The following TMEM181 variants were observed in gnomAD, a reference collection of about 807,000 sequenced individuals.
The protein encoded by TMEM181 is G protein-coupled receptor 178.
TMEM181 carries 39 observed loss-of-function variants against 71.9 expected under a neutral mutation model. The observed-to-expected ratio is 0.54, with a 90% confidence interval of 0.42 to 0.71. The LOEUF is 0.71. Among genes scored for constraint, TMEM181 ranks in the 30% least tolerant of loss-of-function variants. The probability of loss-of-function intolerance (pLI) is 0.00; values close to 1 mark genes in which losing one functional copy is unlikely to be tolerated. For missense variants in TMEM181, 595 were observed against 583.0 expected, an observed-to-expected ratio of 1.02 and a Z score of -0.21; for synonymous variants, 245 against 228.8, an observed-to-expected ratio of 1.07 and a Z score of -0.64.
In TMEM181 at chr6:158,634,192, C is replaced by G. The variant is rs1409018181; in HGVS notation, c.*2304C>G. On this transcript the variant is annotated 3_prime_UTR_variant, in exon 17 of 17. Transcript: ENST00000684151. ...GAAAGTACTTAAGGGGAAAATCGTT[C>G]TTACTAAGTCATGTATTTTCAACTT... 3 of 152,146 alleles carry G rather than the reference C, an allele frequency of 2.0e-5. No homozygotes were observed. The highest frequency in any genetic ancestry group is 4.4e-5 in the Non-Finnish European group (3 of 68,016). 9.4% of individuals were successfully genotyped at this position (152,146 alleles called of 1,614,324 possible).
intron 1 of TMEM181, among the ~76,000 whole-genome samples, chr6:158,566,813 C>T (rs1782534681): frequency 6.6e-6 from 1 of 152,038 alleles, no homozygotes; most frequent in Admixed American, 6.5e-5. Flanking sequence ...CAGCTCCTGT[C>T]TCATTTGGAT....
chr6:158,603,588 G>GTTTTTTTTTT (rs35319740), intron 6 of TMEM181, among the ~76,000 whole-genome samples: 1 of 136,056 alleles, frequency 7.3e-6, no homozygotes, highest in Non-Finnish European at 1.6e-5. Flanking sequence ...TTTTTTTCAG[G>GTTTTTTTTTT]TTTTTTTTTT....
chr6:158,598,858 A>T (rs1784522001), intron 6 of TMEM181, among the ~76,000 whole-genome samples: 1 of 151,966 alleles, frequency 6.6e-6, no homozygotes, highest in Admixed American at 6.6e-5. Flanking sequence ...TATTTTTAGT[A>T]GAGATGGGGT....
chr6:158,560,111 C>G lies in TMEM181; in HGVS notation c.-114C>G. On this transcript the variant is annotated 5_prime_UTR_variant, in exon 1 of 17. Transcript: ENST00000684151. ...CTGATGAGTTTTCCGCGGCCGGCCG[C>G]TGCTCAGCCGCTGTCGCTCCGGCTC... 1 of 985,004 alleles carries G rather than the reference C, an allele frequency of 1.0e-6. No homozygotes were observed. The highest frequency in any genetic ancestry group is 1.2e-6 in the Non-Finnish European group (1 of 829,770). 61.0% of individuals were successfully genotyped at this position (985,004 alleles called of 1,614,324 possible).
At chr6:158,625,597 A>G in intron 12 of TMEM181, 106 bp from the exon 13 acceptor site, 1 of 998,034 alleles carries the variant, frequency 1.0e-6, no homozygotes, top group Non-Finnish European at 1.5e-6. Flanking sequence ...TGGAGGGAGG[A>G]GCATTTGTCC....
intron 1 of TMEM181, among the ~76,000 whole-genome samples, chr6:158,554,843 A>T (rs1781827747): frequency 6.6e-6 from 1 of 152,226 alleles, no homozygotes; most frequent in Non-Finnish European, 1.5e-5. Context: ...CTGGATCCAA[A>T]TTGTATTATT....
chr6:158,565,792 C>T (rs1167415070), intron 1 of TMEM181, among the ~76,000 whole-genome samples: 1 of 152,098 alleles, frequency 6.6e-6, no homozygotes, highest in Non-Finnish European at 1.5e-5. Flanking sequence ...ATCCTGAAAA[C>T]TGGTGCAGCG....
chr6:158,623,018 T>C (rs1786054625), intron 10 of TMEM181, among the ~76,000 whole-genome samples: 1 of 152,156 alleles, frequency 6.6e-6, no homozygotes, highest in African/African-American at 2.4e-5. Context: ...TTTCACGGAG[T>C]AGCTCCGTTT....
intron 10 of TMEM181, among the ~76,000 whole-genome samples, chr6:158,619,299 T>C (rs959415800): frequency 1.2e-4 from 18 of 152,242 alleles, no homozygotes; most frequent in Non-Finnish European, 2.9e-5. Context: ...TACTGAAGCT[T>C]GTGCATGCGT....
upstream of TMEM181, among the ~76,000 whole-genome samples, chr6:158,558,031 G>A (rs1012352101): frequency 6.6e-6 from 1 of 152,254 alleles, no homozygotes; most frequent in African/African-American, 2.4e-5. Flanking sequence ...CCTTGAAGGA[G>A]TGTTGGGAGA....
At chr6:158,619,044 T>C (rs1271091706) in intron 10 of TMEM181, among the ~76,000 whole-genome samples, 1 of 152,242 alleles carries the variant, frequency 6.6e-6, no homozygotes, top group Non-Finnish European at 1.5e-5. Context: ...CCTGCCTTGC[T>C]AGGTTGGGGA....
At chr6:158,599,690 T>C (rs1361742933) in intron 6 of TMEM181, among the ~76,000 whole-genome samples, 1 of 152,202 alleles carries the variant, frequency 6.6e-6, no homozygotes, top group Non-Finnish European at 1.5e-5. Flanking sequence ...TGGCTGGGCT[T>C]GCTCCTGTGG....
Position 158,607,178 on chromosome 6 carries a change from T to C in TMEM181, c.574-66T>C, listed in dbSNP as rs1293319406. On this transcript the variant is annotated intron_variant, in intron 7 of 16. Coordinates refer to ENST00000684151, the MANE Select transcript of TMEM181 (RefSeq NM_001376852.1). Reference sequence around the variant, plus strand: ...AAGACAACCTGGTATGCCGGCAAGGTGTGAGCAAAGGCTGCAGGCAAGGTG... The same window carrying C: ...AAGACAACCTGGTATGCCGGCAAGGCGTGAGCAAAGGCTGCAGGCAAGGTG... 2.5e-5 allele frequency: 33 copies of C among 1,316,798 alleles called. No individual in the cohort carries two copies. In the South Asian group the frequency reaches 3.3e-4, roughly 13 times the overall value. 81.6% of individuals were successfully genotyped at this position (1,316,798 alleles called of 1,614,324 possible). A position where few individuals can be genotyped will look rare whatever the true frequency, so the allele number is the denominator to read the frequency against.
chr6:158,568,298 GCTT>G (rs1163638723), intron 1 of TMEM181, among the ~76,000 whole-genome samples: 1 of 152,006 alleles, frequency 6.6e-6, no homozygotes. Flanking sequence ...GTACTGTAGG[GCTT>G]CTAGGTGAAA....
intron 3 of TMEM181, among the ~76,000 whole-genome samples, chr6:158,582,672 GAAAA>G (rs1240538364): frequency 6.7e-6 from 1 of 148,290 alleles, no homozygotes. Flanking sequence ...TCTTAAAAAA[GAAAA>G]AAAAAGAAAA....
intron 2 of TMEM181, among the ~76,000 whole-genome samples, chr6:158,580,166 A>G (rs1292767582): frequency 6.6e-6 from 1 of 152,140 alleles, no homozygotes; most frequent in East Asian, 1.9e-4. Context: ...CCCTGTCTCT[A>G]CTAAAAATAA....
intron 5 of TMEM181, among the ~76,000 whole-genome samples, chr6:158,588,839 C>T (rs574647034): frequency 2.0e-5 from 3 of 152,312 alleles, no homozygotes; most frequent in South Asian, 4.1e-4. Flanking sequence ...GTCATTGGAG[C>T]GATGCCCTAT....
At chr6:158,538,776 G>A (rs186626658) in intron 1 of TMEM181, among the ~76,000 whole-genome samples, 2 of 152,318 alleles carry the variant, frequency 1.3e-5, no homozygotes, top group Non-Finnish European at 2.9e-5. Flanking sequence ...GGCTCATCTT[G>A]AAAGTGACAT....
intron 10 of TMEM181, chr6:158,611,401 G>C (rs1390719660): frequency 3.7e-6 from 2 of 539,056 alleles, no homozygotes; most frequent in Non-Finnish European, 7.5e-6. Context: ...TTAGCCTCCA[G>C]GTAGATCATT....
Sources: gnomAD v4.1 joint callset for allele counts (sites outside exome capture counted in the v4.1 genomes callset) on GRCh38, gnomAD v4.1.1 for gene constraint, MANE v1.5 for transcripts, NCBI Gene and HGNC (gene_info 2026-07-23, HGNC 2026-07-21) for gene names.